Variants in BBS9 observed in about 807,000 individuals in gnomAD.
The protein encoded by BBS9 is Bardet-Biedl syndrome 9.
A neutral mutation model predicts 117.7 loss-of-function variants in BBS9; 89 were observed. That is an observed-to-expected ratio of 0.76 (90% CI 0.64 to 0.90). BBS9 has a LOEUF of 0.90. BBS9 is among the 40% of genes least tolerant of loss of function. The probability of loss-of-function intolerance (pLI) is 0.00; values close to 1 mark genes in which losing one functional copy is unlikely to be tolerated. For missense variants in BBS9, 982 were observed against 1,042.2 expected, an observed-to-expected ratio of 0.94 and a Z score of 0.80; for synonymous variants, 379 against 370.9, an observed-to-expected ratio of 1.02 and a Z score of -0.25.
In BBS9 at chr7:33,133,144, G is replaced by A. The variant is rs527801657; in HGVS notation, c.-12+3103G>A. Among the ~76,000 whole-genome samples the A allele has an allele frequency of 2.0e-3, 303 of 151,798 alleles. 1 individual carries two copies. The highest frequency in any genetic ancestry group is 3.1e-3 in the Non-Finnish European group (208 of 67,950). On this transcript the variant is annotated intron_variant, in intron 1 of 22. Transcript: ENST00000242067. ...TGTTCTGCTTTAAAAAAAAATGAAA[G>A]TTTATGGGGAATTTGAAGCATAACC...
intron 9 of BBS9, among the ~76,000 whole-genome samples, chr7:33,281,030 A>G (rs556637417): frequency 6.7e-6 from 1 of 150,118 alleles, no homozygotes; most frequent in African/African-American, 2.4e-5. Context: ...ATTCATAAAT[A>G]TTTCTGGAAT....
intron 20 of BBS9, among the ~76,000 whole-genome samples, chr7:33,505,889 T>A (rs1563271783): frequency 6.6e-6 from 1 of 152,256 alleles, no homozygotes; most frequent in Non-Finnish European, 1.5e-5. Flanking sequence ...TTTTATGTGT[T>A]CTTCAATCAC....
chr7:33,362,132 A>G (rs1820734640), intron 16 of BBS9, among the ~76,000 whole-genome samples: 1 of 152,150 alleles, frequency 6.6e-6, no homozygotes, highest in African/African-American at 2.4e-5. Flanking sequence ...AAATGGAACT[A>G]TATAGTATAT....
chr7:33,139,255 A>C (rs1791073335), intron 1 of BBS9, among the ~76,000 whole-genome samples: 1 of 151,280 alleles, frequency 6.6e-6, no homozygotes, highest in African/African-American at 2.4e-5. Context: ...TCTGTCTCAA[A>C]AACAAAAACA....
chr7:33,428,772 T>C (rs1376638093), intron 19 of BBS9, among the ~76,000 whole-genome samples: 1 of 152,184 alleles, frequency 6.6e-6, no homozygotes. Flanking sequence ...ATAACTATGA[T>C]AGTTTTCTTG....
intron 5 of BBS9, among the ~76,000 whole-genome samples, chr7:33,179,152 G>A (rs1413431920): frequency 6.6e-6 from 1 of 152,000 alleles, no homozygotes; most frequent in Non-Finnish European, 1.5e-5. Flanking sequence ...TTTCCCTACT[G>A]AATCTCCAAA....
In BBS9 at chr7:33,336,545, G is replaced by T. The variant is rs758120778; in HGVS notation, c.1121G>T (p.Arg374Leu). The change falls in exon 10 of 23, where the codon CGA becomes CTA. Residue 374 changes from arginine (R) to leucine (L), a missense_variant. Physicochemically the swap from Arg to Leu is moderately radical, Grantham distance 102 (BLOSUM62 -2). Transcript: ENST00000242067. The stretch of plus-strand genomic sequence containing the variant: ...TTCCAAGCTCCAAACGTTCAATCTC[G>T]AGAACTAAACTATGATGAACTTGAT... Reference protein sequence around the residue: ...SLFQAPNVQSRELNYDELDVE... With the variant: ...SLFQAPNVQSLELNYDELDVE... The T allele has an allele frequency of 1.2e-6, 2 of 1,613,292 alleles. No homozygotes were observed. Among genetic ancestry groups the T allele is most frequent in the East Asian group, 2.2e-5 (1 of 44,824 alleles).
chr7:33,142,468 A>G (rs1791630527), intron 1 of BBS9, among the ~76,000 whole-genome samples: 1 of 152,216 alleles, frequency 6.6e-6, no homozygotes, highest in African/African-American at 2.4e-5. Context: ...ATGTGACATA[A>G]AATTGAACAT....
At chr7:33,187,246 A>T (rs914721813) in intron 5 of BBS9, among the ~76,000 whole-genome samples, 1 of 152,234 alleles carries the variant, frequency 6.6e-6, no homozygotes, top group Non-Finnish European at 1.5e-5. Flanking sequence ...GTAAAATAAG[A>T]TACTTCTTGT....
At chr7:33,256,480 CTCTT>C (rs1443256458) in intron 5 of BBS9, among the ~76,000 whole-genome samples, 1 of 148,838 alleles carries the variant, frequency 6.7e-6, no homozygotes, top group Admixed American at 6.6e-5. Flanking sequence ...TTTGTTCTCT[CTCTT>C]TTTTTCTTTT....
intron 6 of BBS9, among the ~76,000 whole-genome samples, chr7:33,260,222 G>C (rs940786234): frequency 3.3e-5 from 5 of 151,958 alleles, no homozygotes; most frequent in Non-Finnish European, 7.4e-5. Flanking sequence ...GGCTGGTTGC[G>C]AACTCCTGAG....
chr7:33,347,458 C>T (rs1817810244), intron 12 of BBS9, among the ~76,000 whole-genome samples: 3 of 151,916 alleles, frequency 2.0e-5, no homozygotes, highest in Non-Finnish European at 4.4e-5. Context: ...AATGGCCAGA[C>T]ATCATTGAGG....
chr7:33,198,400 G>A (rs2128206322), intron 5 of BBS9, among the ~76,000 whole-genome samples: 1 of 152,072 alleles, frequency 6.6e-6, no homozygotes, highest in Admixed American at 6.6e-5. Flanking sequence ...TATATTAAAA[G>A]TGCATGTTTC....
rs148267028 is a variant in BBS9, at chr7:33,346,021, G to A, written c.1329+1387G>A. Among the ~76,000 whole-genome samples the A allele has an allele frequency of 3.5e-3, 526 of 152,166 alleles. 6 individuals carry two copies. The highest frequency in any genetic ancestry group is 0.011 in the African/African-American group (475 of 41,520). ...CTACTGGAAAATTCTCCTTCTGTTC[G>A]TGGAACTTACTATATTTGAGAATAC... On this transcript the variant is annotated intron_variant, in intron 12 of 22. Transcript: ENST00000242067.
chr7:33,598,988 T>C (rs1430539028), intron 21 of BBS9, among the ~76,000 whole-genome samples: 2 of 152,224 alleles, frequency 1.3e-5, no homozygotes, highest in Non-Finnish European at 2.9e-5. Context: ...CATTTATGTA[T>C]TGACTATGGC....
At chr7:33,260,877 TC>T (rs899698011) in intron 6 of BBS9, among the ~76,000 whole-genome samples, 1 of 152,106 alleles carries the variant, frequency 6.6e-6, no homozygotes, top group Admixed American at 6.6e-5. Context: ...CTATACCCCT[TC>T]CCCAGCAACC....
intron 9 of BBS9, among the ~76,000 whole-genome samples, chr7:33,319,061 G>A (rs1811142324): frequency 6.6e-6 from 1 of 151,948 alleles, no homozygotes; most frequent in Admixed American, 6.6e-5. Flanking sequence ...TACTTGGGAG[G>A]CTGAGGCAGG....
chr7:33,580,830 T>A (rs1480024894), intron 21 of BBS9, among the ~76,000 whole-genome samples: 4 of 152,214 alleles, frequency 2.6e-5, no homozygotes, highest in Non-Finnish European at 5.9e-5. Context: ...CAGTTTTATA[T>A]GCTTAGGGTT....
rs1839213276 is a variant in BBS9, at chr7:33,459,948, C to A, written c.2116-45515C>A. ...AGTAATATTGAAATTCAAAATGAATCTTTATAAGTTAAATGAAACCTGCAA... is the reference window on the plus strand; with the variant it reads ...AGTAATATTGAAATTCAAAATGAATATTTATAAGTTAAATGAAACCTGCAA... On this transcript the variant is annotated intron_variant, in intron 19 of 22. Coordinates refer to ENST00000242067, the MANE Select transcript of BBS9 (RefSeq NM_198428.3). 2.6e-5 allele frequency among the ~76,000 whole-genome samples: 4 copies of A among 152,084 alleles called. No homozygotes were observed. In the South Asian group the frequency reaches 8.3e-4, roughly 32 times the overall value.
Sources: allele counts gnomAD v4.1 joint callset (sites outside exome capture counted in the v4.1 genomes callset), GRCh38; gene constraint gnomAD v4.1.1; transcripts MANE v1.5; gene names NCBI Gene and HGNC (gene_info 2026-07-23, HGNC 2026-07-21).